ADGRB3: variants seen among roughly 807,000 people sequenced by gnomAD.
ADGRB3 encodes adhesion G protein-coupled receptor B3.
In ADGRB3, 37 loss-of-function variants were observed where a neutral mutation model predicts 193.4. The observed-to-expected ratio is 0.19, with a 90% CI of 0.15 to 0.25. ADGRB3 has a LOEUF of 0.25. Ranked by LOEUF, ADGRB3 falls within the 10% of genes least tolerant of loss-of-function variation. The pLI is 1.00. For missense variants in ADGRB3, 1,637 were observed against 1,852.9 expected (o/e 0.88, Z 2.14); for synonymous variants, 690 against 644.2 (o/e 1.07, Z -1.08).
chr6:69,157,086 C>G (rs184478813), intron 17 of ADGRB3, among the ~76,000 whole-genome samples: 18 of 152,290 alleles, frequency 1.2e-4, no homozygotes, highest in African/African-American at 3.8e-4. Context: ...TCACGCCTTA[C>G]TGGCTGTGCA....
At chr6:68,968,617 G>A (rs560885279) in intron 8 of ADGRB3, among the ~76,000 whole-genome samples, 20 of 152,288 alleles carry the variant, frequency 1.3e-4, no homozygotes, top group Admixed American at 1.0e-3. Flanking sequence ...ACAGAAGTGG[G>A]ATGTATGGAT....
intron 20 of ADGRB3, among the ~76,000 whole-genome samples, chr6:69,307,000 G>A (rs1388564031): frequency 6.6e-6 from 1 of 151,190 alleles, no homozygotes; most frequent in Non-Finnish European, 1.5e-5. Flanking sequence ...TTACATGCCT[G>A]CTACACCCTT....
intron 17 of ADGRB3, among the ~76,000 whole-genome samples, chr6:69,134,779 A>ATAATT (rs767522596): frequency 6.6e-6 from 1 of 151,984 alleles, no homozygotes; most frequent in Non-Finnish European, 1.5e-5. Flanking sequence ...TATACCTAAA[A>ATAATT]TAATTGGAGA....
At chr6:68,904,110 G>GGTGA (rs751858964) in intron 3 of ADGRB3, among the ~76,000 whole-genome samples, 6 of 64,714 alleles carry the variant, frequency 9.3e-5, no homozygotes, top group South Asian at 9.2e-4. Context: ...AGGAAGGAAG[G>GGTGA]AAGGGAGGGA....
chr6:68,976,670 A>C (rs954451107), intron 10 of ADGRB3, among the ~76,000 whole-genome samples: 2 of 152,212 alleles, frequency 1.3e-5, no homozygotes, highest in African/African-American at 4.8e-5. Flanking sequence ...AGTCATAAAG[A>C]AGATAAATTA....
At chr6:69,181,741 C>T (rs1169497825) in intron 17 of ADGRB3, among the ~76,000 whole-genome samples, 1 of 152,168 alleles carries the variant, frequency 6.6e-6, no homozygotes, top group African/African-American at 2.4e-5. Flanking sequence ...TTGGAAACTG[C>T]TTTTATGTAG....
chr6:69,121,110 G>C (rs1478443699), intron 17 of ADGRB3, among the ~76,000 whole-genome samples: 1 of 151,398 alleles, frequency 6.6e-6, no homozygotes, highest in African/African-American at 2.4e-5. Context: ...CAGATAAACA[G>C]GTGAACAAAG....
In ADGRB3 at chr6:69,389,031, T is replaced by TATG. The variant is rs796651939; in HGVS notation, c.*141_*143dup. The TATG allele has an allele frequency of 7.3e-5, 60 of 816,432 alleles. No individual in the cohort carries two copies. In the African/African-American group the frequency reaches 9.0e-4, roughly 12 times the overall value. The allele number at this position is 816,432 out of a possible 1,614,324, so 50.6% of individuals were successfully genotyped here. On this transcript the variant is annotated 3_prime_UTR_variant, in exon 32 of 32. Coordinates refer to ENST00000370598, the MANE Select transcript of ADGRB3 (RefSeq NM_001704.3). ...GTGCCAAACGTCAGTGGTGTTTTCA[T>TATG]ATGGTAACTTCTCACTAGTCAGGCT...
At chr6:69,308,171 G>C (rs549475544) in intron 20 of ADGRB3, among the ~76,000 whole-genome samples, 1 of 151,442 alleles carries the variant, frequency 6.6e-6, no homozygotes, top group African/African-American at 2.4e-5. Flanking sequence ...ATCAAACTGC[G>C]TGAGTTTGAG....
chr6:68,912,703 A>G (rs898105341), intron 3 of ADGRB3, among the ~76,000 whole-genome samples: 10 of 152,070 alleles, frequency 6.6e-5, no homozygotes, highest in African/African-American at 2.4e-4. Flanking sequence ...TGAACTCATC[A>G]TTTTTTATGG....
chr6:69,149,746 T>C (rs1158196367), intron 17 of ADGRB3, among the ~76,000 whole-genome samples: 1 of 152,136 alleles, frequency 6.6e-6, no homozygotes, highest in East Asian at 1.9e-4. Context: ...TCTGGGTCAC[T>C]GCAGCCTTAT....
At chr6:69,256,062 A>G (rs1042309575) in intron 20 of ADGRB3, among the ~76,000 whole-genome samples, 3 of 151,536 alleles carry the variant, frequency 2.0e-5, no homozygotes, top group African/African-American at 7.3e-5. Context: ...ATTGATCTAT[A>G]TCTCTGTTTT....
chr6:69,072,188 T>A (rs1313689986), intron 16 of ADGRB3, among the ~76,000 whole-genome samples: 1 of 152,180 alleles, frequency 6.6e-6, no homozygotes, highest in African/African-American at 2.4e-5. Context: ...TAGCTCACAG[T>A]CTCACATATT....
At chr6:69,040,307 C>CTCTCTCTTTCTTTCTT (rs1554251200) in intron 13 of ADGRB3, among the ~76,000 whole-genome samples, 9 of 94,804 alleles carry the variant, frequency 9.5e-5, no homozygotes, top group South Asian at 3.9e-4. Context: ...CTTTCTCTGT[C>CTCTCTCTTTCTTTCTT]TCTTTCTTTC....
At position 68,726,255 on chromosome 6, in the gene ADGRB3, G is replaced by T. The variant is rs370797650; in HGVS notation, c.757+86823G>T. The stretch of plus-strand genomic sequence containing the variant: ...TGTGTAAAAACTCACTTATACCAGG[G>T]ATATAAAAAGCAACTTTAGAGATTA... On this transcript the variant is annotated intron_variant, in intron 3 of 31. Transcript: ENST00000370598. Among the ~76,000 whole-genome samples the T allele has an allele frequency of 1.5e-3, 232 of 151,654 alleles. 3 individuals carry two copies. Among genetic ancestry groups the T allele is most frequent in the African/African-American group, 5.2e-3 (217 of 41,436 alleles).
At chr6:69,276,197 T>G (rs1253204176) in intron 20 of ADGRB3, among the ~76,000 whole-genome samples, 9 of 152,204 alleles carry the variant, frequency 5.9e-5, no homozygotes, top group Admixed American at 4.6e-4. Context: ...CGTATTTCTG[T>G]GAAATGTCTC....
intron 3 of ADGRB3, among the ~76,000 whole-genome samples, chr6:68,702,598 G>A (rs1765259210): frequency 6.6e-6 from 1 of 152,144 alleles, no homozygotes; most frequent in Admixed American, 6.6e-5. Context: ...ACAGAGTAAA[G>A]CAGGAAGGAG....
intron 5 of ADGRB3, among the ~76,000 whole-genome samples, chr6:68,943,472 T>C (rs939994415): frequency 6.6e-6 from 1 of 152,120 alleles, no homozygotes; most frequent in Non-Finnish European, 1.5e-5. Context: ...TTATCTCTGT[T>C]ATAAGAGATT....
intron 6 of ADGRB3, among the ~76,000 whole-genome samples, chr6:68,946,219 C>CA (rs894284446): frequency 6.6e-6 from 1 of 151,558 alleles, no homozygotes; most frequent in South Asian, 2.1e-4. Flanking sequence ...CAGGCTGTGC[C>CA]AAAAAAATCG....
Sources: gnomAD v4.1 joint callset for allele counts (sites outside exome capture counted in the v4.1 genomes callset) on GRCh38, gnomAD v4.1.1 for gene constraint, MANE v1.5 for transcripts, NCBI Gene and HGNC (gene_info 2026-07-23, HGNC 2026-07-21) for gene names.